GALNT13: variants seen among roughly 807,000 people sequenced by gnomAD.
GALNT13 encodes the protein UDP-GalNAc:polypeptide N-acetylgalactosaminyltransferase 13.
A neutral mutation model predicts 64.2 loss-of-function variants in GALNT13; 28 were observed. The ratio of observed to expected loss-of-function variants is 0.44; its 90% CI spans 0.32 to 0.60. GALNT13 has a LOEUF of 0.60. Among genes scored for constraint, GALNT13 ranks in the 20% least tolerant of loss-of-function variants. The pLI is 0.05. For synonymous variants in GALNT13, 214 were observed against 224.6 expected, an observed-to-expected ratio of 0.95 and a Z score of 0.42; for missense variants, 577 against 669.8, an observed-to-expected ratio of 0.86 and a Z score of 1.53.
At chr2:153,758,416 A>C in the GALNT13 span, among the ~76,000 whole-genome samples, 1 of 151,654 alleles carries the variant, frequency 6.6e-6, no homozygotes, top group Non-Finnish European at 1.5e-5. Context: ...TTGAATTCAG[A>C]TAGTGTAATG....
At chr2:153,720,353 G>C in the GALNT13 span, among the ~76,000 whole-genome samples, 1 of 149,996 alleles carries the variant, frequency 6.7e-6, no homozygotes, top group African/African-American at 2.5e-5. Flanking sequence ...AAACCACAAA[G>C]ATGGGGAAAA....
At chr2:154,026,044 G>C (rs145859642) in intron 3 of GALNT13, among the ~76,000 whole-genome samples, 2 of 152,080 alleles carry the variant, frequency 1.3e-5, no homozygotes, top group Non-Finnish European at 2.9e-5. Flanking sequence ...CATGGTGTTG[G>C]GGGGAGGGGA....
At position 153,884,766 on chromosome 2, in the gene GALNT13, A is replaced by AATATATATATAT. The variant is rs372541314; in HGVS notation, c.-177+12472_-177+12483dup. On this transcript the variant is annotated intron_variant, in intron 1 of 12. Transcript: ENST00000392825. ...AAACCCAGTCTGTACTAAAAATACG[A>AATATATATATAT]ATATATATATATATATATATGTGTG... 8.2e-4 allele frequency among the ~76,000 whole-genome samples: 95 copies of AATATATATATAT among 116,362 alleles called. 1 individual carries two copies. Among genetic ancestry groups the AATATATATATAT allele is most frequent in the South Asian group, 5.0e-3 (15 of 3,018 alleles). The allele number at this position is 116,362 out of a possible 152,430, so 76.3% of individuals were successfully genotyped here.
intron 9 of GALNT13, among the ~76,000 whole-genome samples, chr2:154,326,581 G>C (rs1671819067): frequency 1.3e-5 from 2 of 151,936 alleles, no homozygotes; most frequent in Admixed American, 1.3e-4. Flanking sequence ...ATGAATATTT[G>C]CTAAAACAGC....
the GALNT13 span, among the ~76,000 whole-genome samples, chr2:153,412,697 G>A: frequency 6.6e-6 from 1 of 152,170 alleles, no homozygotes; most frequent in African/African-American, 2.4e-5. Flanking sequence ...GCTTGGGGCT[G>A]TCATTTCTTT....
the GALNT13 span, among the ~76,000 whole-genome samples, chr2:153,368,355 G>C: frequency 6.6e-6 from 1 of 152,222 alleles, no homozygotes; most frequent in African/African-American, 2.4e-5. Flanking sequence ...GTAGCCATTT[G>C]CAAGTCAGGA....
At chr2:153,070,131 G>A in the GALNT13 span, among the ~76,000 whole-genome samples, 4 of 152,206 alleles carry the variant, frequency 2.6e-5, no homozygotes, top group African/African-American at 7.2e-5. Flanking sequence ...CAAAAGAGCC[G>A]GTGATAAGAA....
chr2:154,411,972 A>C lies in GALNT13; in HGVS notation c.1395+2890A>C, dbSNP rs545482679. Among the ~76,000 whole-genome samples the C allele has an allele frequency of 4.0e-5, 6 of 151,876 alleles. No individual in the cohort carries two copies. In the South Asian group the frequency reaches 6.2e-4, roughly 16 times the overall value. On this transcript the variant is annotated intron_variant, in intron 11 of 12. Transcript: ENST00000392825. ...AAATTCATTAAAAAAATTAACACTA[A>C]ACATGGCACATACTAAACATGCAAT... is the stretch of plus-strand genomic sequence containing the variant.
the GALNT13 span, among the ~76,000 whole-genome samples, chr2:153,563,214 TA>T: frequency 4.7e-4 from 71 of 152,198 alleles, no homozygotes; most frequent in African/African-American, 1.6e-3. Context: ...TGTTTTCCCT[TA>T]AAAAAATTCT....
chr2:154,324,900 A>G (rs994823322), intron 9 of GALNT13, among the ~76,000 whole-genome samples: 2 of 152,150 alleles, frequency 1.3e-5, no homozygotes, highest in African/African-American at 4.8e-5. Flanking sequence ...GAGAAGCTCC[A>G]GAAGTAGTAT....
chr2:153,440,395 G>C, the GALNT13 span, among the ~76,000 whole-genome samples: 4 of 152,176 alleles, frequency 2.6e-5, no homozygotes, highest in African/African-American at 9.7e-5. Context: ...GTTGTGAACA[G>C]TGTTGCAATA....
At chr2:154,389,137 TG>T (rs536110966) in intron 9 of GALNT13, among the ~76,000 whole-genome samples, 6 of 152,226 alleles carry the variant, frequency 3.9e-5, no homozygotes, top group African/African-American at 1.4e-4. Flanking sequence ...TTTTTGTTTT[TG>T]GGGGGGTGGT....
intron 4 of GALNT13, among the ~76,000 whole-genome samples, chr2:154,189,118 G>A (rs1686423259): frequency 6.6e-6 from 1 of 151,950 alleles, no homozygotes; most frequent in Non-Finnish European, 1.5e-5. Context: ...TCATATAGTT[G>A]TACTCTGACC....
chr2:153,254,207 G>A, the GALNT13 span, among the ~76,000 whole-genome samples: 4 of 152,174 alleles, frequency 2.6e-5, no homozygotes, highest in Non-Finnish European at 5.9e-5. Context: ...GAGGGTGTAT[G>A]TGTCAAGGAA....
the GALNT13 span, among the ~76,000 whole-genome samples, chr2:153,577,312 A>G: frequency 6.6e-6 from 1 of 152,184 alleles, no homozygotes. Flanking sequence ...AAATTTTAAG[A>G]AATTTTAAAA....
At chr2:154,438,178 T>C (rs551024071) in intron 11 of GALNT13, among the ~76,000 whole-genome samples, 1 of 152,088 alleles carries the variant, frequency 6.6e-6, no homozygotes, top group Non-Finnish European at 1.5e-5. Flanking sequence ...AGATTTAAAC[T>C]TCTATATGAA....
intron 4 of GALNT13, among the ~76,000 whole-genome samples, chr2:154,158,178 T>C (rs67162684): frequency 0.052 from 7,944 of 152,162 alleles, 294 homozygotes; most frequent in South Asian, 0.11. Context: ...CCAACACTCA[T>C]CTAAATCTTA....
At chr2:153,991,514 T>C (rs572109553) in intron 3 of GALNT13, among the ~76,000 whole-genome samples, 13 of 152,258 alleles carry the variant, frequency 8.5e-5, no homozygotes, top group African/African-American at 3.1e-4. Context: ...ACAACATGTC[T>C]TCTTTAGGGA....
At chr2:154,007,180 C>T (rs963120617) in intron 3 of GALNT13, among the ~76,000 whole-genome samples, 3 of 152,296 alleles carry the variant, frequency 2.0e-5, no homozygotes, top group East Asian at 1.9e-4. Flanking sequence ...GGCCCTGTGG[C>T]GAGGCACTGT....
Sources: gnomAD v4.1 joint callset for allele counts (sites outside exome capture counted in the v4.1 genomes callset) on GRCh38, gnomAD v4.1.1 for gene constraint, MANE v1.5 for transcripts, NCBI Gene and HGNC (gene_info 2026-07-23, HGNC 2026-07-21) for gene names.